The following MFN2 variants were observed in gnomAD, a reference collection of about 807,000 sequenced individuals.
MFN2 encodes mitofusin 2.
In MFN2, 43 loss-of-function variants were observed where a neutral mutation model predicts 87.5. The ratio of observed to expected loss-of-function variants is 0.49; its 90% confidence interval spans 0.38 to 0.63. The LOEUF is 0.63. Ranked by LOEUF, MFN2 falls within the 30% of genes least tolerant of loss-of-function variation. MFN2 has a pLI of 0.00. For missense variants in MFN2, 743 were observed against 972.8 expected (o/e 0.76, Z 3.14); for synonymous variants, 337 against 359.9 (o/e 0.94, Z 0.72).
At chr1:11,981,446 CGA>C (rs1049610292) in intron 1 of MFN2, among the ~76,000 whole-genome samples, 1 of 152,148 alleles carries the variant, frequency 6.6e-6, no homozygotes, top group Non-Finnish European at 1.5e-5. Context: ...GAGGTTGAGC[CGA>C]GATCGCGCTG....
Position 12,007,148 on chromosome 1 carries a change from C to G in MFN2, c.1968C>G (p.Ala656=), listed in dbSNP as rs763381681. ...AGCGTCTGACCTGGACCACCAAGGC[C>G]AAGGAGAGGGCCTTCAAGCGCCAGT... ...VYERLTWTTK[A]KERAFKRQFV... Residue 656 remains alanine, a synonymous_variant, in exon 17 of 19, where the codon GCC becomes GCG. Transcript: ENST00000235329. The G allele has an allele frequency of 4.2e-5, 68 of 1,614,212 alleles. 2 individuals carry two copies. In the South Asian group the frequency reaches 7.0e-4, roughly 17 times the overall value.
chr1:11,995,315 C>T (rs1211353731), intron 4 of MFN2, among the ~76,000 whole-genome samples: 1 of 151,932 alleles, frequency 6.6e-6, no homozygotes, highest in African/African-American at 2.4e-5. Flanking sequence ...CACCAGAATA[C>T]ATGAAAGGGG....
At chr1:11,991,121 C>T (rs1638655372) in intron 3 of MFN2, among the ~76,000 whole-genome samples, 1 of 152,220 alleles carries the variant, frequency 6.6e-6, no homozygotes, top group South Asian at 2.1e-4. Context: ...CACTCAGTTG[C>T]TCCTGTATGG....
chr1:12,000,804 G>T (rs1353905534), intron 8 of MFN2, among the ~76,000 whole-genome samples: 2 of 152,100 alleles, frequency 1.3e-5, no homozygotes, highest in East Asian at 3.9e-4. Context: ...TCCTGCCAGG[G>T]CACCAAAATG....
At position 12,003,869 on chromosome 1, in the gene MFN2, G is replaced by A. The variant is rs2100846682; in HGVS notation, c.1161-123G>A. 14 of 1,267,206 alleles carry A rather than the reference G, an allele frequency of 1.1e-5. No homozygotes were observed. The highest frequency in any genetic ancestry group is 1.6e-5 in the Non-Finnish European group (14 of 872,110). The allele number at this position is 1,267,206 out of a possible 1,614,324, so 78.5% of individuals were successfully genotyped here. On this transcript the variant is annotated intron_variant, in intron 11 of 18. Transcript: ENST00000235329. The surrounding 1 kb of genome is among the most constrained non-coding windows in gnomAD (Gnocchi z 4.1). Reference sequence around the variant, plus strand: ...GAAGGGGAAGGCCATGCCCCTGGGTGCGTGTGTGCAGCCCTGCCAGGCAAG... The same window carrying A: ...GAAGGGGAAGGCCATGCCCCTGGGTACGTGTGTGCAGCCCTGCCAGGCAAG...
chr1:11,997,459 A>G (rs1471337890), intron 6 of MFN2, 38 bp downstream of exon 6: 2 of 1,612,712 alleles, frequency 1.2e-6, no homozygotes, highest in East Asian at 4.5e-5. Flanking sequence ...TCCAAACTGG[A>G]AGGCACCAGG....
intron 1 of MFN2, among the ~76,000 whole-genome samples, chr1:11,980,919 C>T (rs545682578): frequency 1.3e-5 from 2 of 152,264 alleles, no homozygotes; most frequent in South Asian, 2.1e-4. Flanking sequence ...ACTGTAAGGC[C>T]CTGGAGGGCA....
At chr1:11,988,232 G>T (rs181239285) in intron 2 of MFN2, among the ~76,000 whole-genome samples, 29 of 151,934 alleles carry the variant, frequency 1.9e-4, no homozygotes, top group African/African-American at 5.5e-4. Context: ...CTCCCAAGTA[G>T]CTGGGATTAT....
intron 15 of MFN2, 104 bp downstream of exon 15, chr1:12,006,035 C>A: frequency 9.1e-7 from 1 of 1,100,806 alleles, no homozygotes; most frequent in Non-Finnish European, 1.4e-6. Context: ...AGGTCAGCAG[C>A]TGTGGTGGTG....
intron 17 of MFN2, among the ~76,000 whole-genome samples, chr1:12,008,901 C>T (rs1408133892): frequency 2.0e-5 from 3 of 152,216 alleles, no homozygotes; most frequent in Non-Finnish European, 4.4e-5. Flanking sequence ...ATGCCACTGC[C>T]TGGGCAACAT....
chr1:12,007,277 G>T, intron 17 of MFN2, 28 bp downstream of exon 17: 1 of 1,609,908 alleles, frequency 6.2e-7, no homozygotes, highest in East Asian at 2.2e-5. Flanking sequence ...ACCCCAGCAG[G>T]GGACTTCCTT....
At chr1:11,984,327 C>T (rs1280892960) in intron 2 of MFN2, among the ~76,000 whole-genome samples, 3 of 152,076 alleles carry the variant, frequency 2.0e-5, no homozygotes, top group East Asian at 3.8e-4. Flanking sequence ...TGTGAGTTGG[C>T]GGAGTTGCCT....
At chr1:11,997,928 G>C (rs1471644767) in intron 6 of MFN2, among the ~76,000 whole-genome samples, 1 of 120,494 alleles carries the variant, frequency 8.3e-6, no homozygotes, top group Non-Finnish European at 1.6e-5. Flanking sequence ...CTGTCACCCA[G>C]GCTGGAGTGC....
Position 11,990,872 on chromosome 1 carries a change from C to T in MFN2, c.175+1529C>T, listed in dbSNP as rs76082796. Among the ~76,000 whole-genome samples the T allele has an allele frequency of 7.9e-3, 1,199 of 152,200 alleles. 8 individuals are homozygous for T. Among genetic ancestry groups the T allele is most frequent in the African/African-American group, 0.028 (1,149 of 41,508 alleles). On this transcript the variant is annotated intron_variant, in intron 3 of 18. Transcript: ENST00000235329. ...GGGCAGAGGTGACCGGTGGACATAGCGGGAGGGGAGATGGGGGTGTTGTTG... is the reference window on the plus strand; with the variant it reads ...GGGCAGAGGTGACCGGTGGACATAGTGGGAGGGGAGATGGGGGTGTTGTTG...
At chr1:12,008,911 T>C (rs1321185917) in intron 17 of MFN2, among the ~76,000 whole-genome samples, 3 of 152,168 alleles carry the variant, frequency 2.0e-5, no homozygotes, top group African/African-American at 7.2e-5. Flanking sequence ...CTGGGCAACA[T>C]TGAGCACTGA....
rs1639770325 is a variant in MFN2, at chr1:12,013,346, T to C, written c.*1781T>C. ...GAAAGAAGTATGGCCAAAAGCACTT[T>C]AATGCTGCTGACATTGTTGTTTTTA... On this transcript the variant is annotated 3_prime_UTR_variant, in exon 19 of 19. Transcript: ENST00000235329. The C allele has an allele frequency of 2.1e-6, 1 of 471,262 alleles. No homozygotes were observed. The highest frequency in any genetic ancestry group is 2.0e-5 in the African/African-American group (1 of 50,096). 29.2% of individuals were successfully genotyped at this position (471,262 alleles called of 1,614,324 possible).
Position 12,009,718 on chromosome 1 carries a change from G to A in MFN2, c.2196G>A (p.Lys732=). 6.2e-7 allele frequency: 1 copy of A among 1,614,230 alleles called. No homozygotes were observed. The highest frequency in any genetic ancestry group is 8.5e-7 in the Non-Finnish European group (1 of 1,180,026). ...EVLDSLQSKA[K]LLRNKAGWLD... ...TTGACTCACTTCAGAGCAAAGCAAA[G>A]CTGCTCAGGTGAGGCTGGCCCGTGT... The change falls in exon 18 of 19, where the codon AAG becomes AAA. Residue 732 remains lysine (K), a synonymous_variant. Transcript: ENST00000235329.
intron 6 of MFN2, among the ~76,000 whole-genome samples, chr1:11,998,126 C>T (rs1378141800): frequency 2.6e-5 from 4 of 151,750 alleles, no homozygotes; most frequent in Non-Finnish European, 4.4e-5. Context: ...TCATGATCCG[C>T]CCACCTTAGC....
At chr1:11,987,139 G>GTC (rs75279925) in intron 2 of MFN2, among the ~76,000 whole-genome samples, 98,296 of 150,784 alleles carry the variant, frequency 0.65, 32,392 homozygotes, top group South Asian at 0.69. Flanking sequence ...GTGAAGCCCT[G>GTC]TCTACGAAAA....
Sources: gnomAD v4.1 joint callset for allele counts (sites outside exome capture counted in the v4.1 genomes callset) on GRCh38, gnomAD v4.1.1 for gene constraint, Gnocchi (gnomAD v3.1) non-coding constraint, MANE v1.5 for transcripts, NCBI Gene and HGNC (gene_info 2026-07-23, HGNC 2026-07-21) for gene names.